Variants in DCDC1 observed in about 807,000 individuals in gnomAD.
DCDC1 encodes doublecortin domain-containing protein 1.
Under a neutral mutation model 178.3 loss-of-function variants are expected in DCDC1, and 200 were observed. The observed-to-expected ratio is 1.12, with a 90% CI of 1.00 to 1.26. The LOEUF (loss-of-function observed/expected upper bound fraction) is 1.26. Among genes scored for constraint, DCDC1 ranks in the 50% most tolerant of loss-of-function variants. The probability of loss-of-function intolerance (pLI) is 0.00; values close to 1 mark genes in which losing one functional copy is unlikely to be tolerated. For synonymous variants in DCDC1, 690 were observed against 604.8 expected, an observed-to-expected ratio of 1.14 and a Z score of -2.07; for missense variants, 1,983 against 1,749.2, an observed-to-expected ratio of 1.13 and a Z score of -2.38.
At chr11:31,076,168 C>A (rs1411368388) in intron 18 of DCDC1, among the ~76,000 whole-genome samples, 2 of 151,970 alleles carry the variant, frequency 1.3e-5, no homozygotes, top group Non-Finnish European at 2.9e-5. Flanking sequence ...CTCATTCATT[C>A]TTTTTTATTC....
chr11:31,219,173 TA>T lies in DCDC1; in HGVS notation c.1221+22276del, dbSNP rs1012447646. Among the ~76,000 whole-genome samples, 128 of 147,572 alleles carry T rather than the reference TA, an allele frequency of 8.7e-4. 1 individual carries two copies. The highest frequency in any genetic ancestry group is 3.5e-3 in the Middle Eastern group (1 of 288). ...TTTAGAGCACAAAACAATTTACAGT[TA>T]AAAAAAAAAGTAAAAATTTTAGAAT... is the stretch of plus-strand genomic sequence containing the variant. On this transcript the variant is annotated intron_variant, in intron 9 of 38. Coordinates refer to ENST00000684477, the MANE Select transcript of DCDC1 (RefSeq NM_001387274.1).
intron 7 of DCDC1, among the ~76,000 whole-genome samples, chr11:31,272,936 A>C (rs1945680286): frequency 6.6e-6 from 1 of 152,178 alleles, no homozygotes. Context: ...ACAAGCTGCC[A>C]AGGCTTGGGG....
intron 17 of DCDC1, among the ~76,000 whole-genome samples, chr11:31,086,950 T>C (rs558845698): frequency 6.6e-6 from 1 of 152,314 alleles, no homozygotes; most frequent in East Asian, 1.9e-4. Flanking sequence ...TAAGATTGTG[T>C]AGAATTGGTA....
At chr11:31,100,299 T>C (rs780913559) in intron 15 of DCDC1, among the ~76,000 whole-genome samples, 4 of 152,236 alleles carry the variant, frequency 2.6e-5, no homozygotes, top group Non-Finnish European at 2.9e-5. Flanking sequence ...ATCAAATATG[T>C]ATTGTGCATT....
intron 20 of DCDC1, among the ~76,000 whole-genome samples, chr11:31,006,358 C>T (rs1951845892): frequency 6.6e-6 from 1 of 152,164 alleles, no homozygotes; most frequent in African/African-American, 2.4e-5. Flanking sequence ...GTCTTCCCTT[C>T]CTATAGATTC....
chr11:31,204,069 G>A (rs1034736408), intron 9 of DCDC1, among the ~76,000 whole-genome samples: 3 of 151,952 alleles, frequency 2.0e-5, no homozygotes, highest in Non-Finnish European at 4.4e-5. Flanking sequence ...AATTTCTGTG[G>A]TGCTTATTGC....
intron 27 of DCDC1, 133 bp downstream of exon 27, chr11:30,915,378 G>T: frequency 1.1e-6 from 1 of 905,934 alleles, no homozygotes; most frequent in Non-Finnish European, 1.7e-6. Context: ...CTAGGATAAA[G>T]AATTATCAGC....
rs538156113 is a variant in DCDC1, at chr11:31,244,462, T to C, written c.1055-2846A>G. Among the ~76,000 whole-genome samples the C allele has an allele frequency of 6.9e-3, 1,053 of 151,918 alleles. 4 individuals carry two copies. The highest frequency in any genetic ancestry group is 0.012 in the Non-Finnish European group (822 of 67,772). ...GCTTCTCTGTCTTCAAACTACTATG[T>C]AGAAATATTCAAACTACTATGTAGA... On this transcript the variant is annotated intron_variant, in intron 8 of 38. Coordinates refer to ENST00000684477, the MANE Select transcript of DCDC1 (RefSeq NM_001387274.1).
Position 31,040,604 on chromosome 11 carries a change from A to C in DCDC1, c.2591+23865T>G, listed in dbSNP as rs575246409. 5.3e-5 allele frequency among the ~76,000 whole-genome samples: 8 copies of C among 152,326 alleles called. No individual in the cohort carries two copies. The South Asian group carries it at 1.7e-3, about 32-fold the overall frequency. On this transcript the variant is annotated intron_variant, in intron 20 of 38. Transcript: ENST00000684477. ...TAAAAGGTTCAAATATTTTCTACTG[A>C]AAAACAAAAGGCGTTTGCACCAATA... is the stretch of plus-strand genomic sequence containing the variant.
chr11:31,091,334 G>T lies in DCDC1; in HGVS notation c.2237+59C>A, dbSNP rs908364013. On this transcript the variant is annotated intron_variant, in intron 17 of 38. Coordinates refer to ENST00000684477, the MANE Select transcript of DCDC1 (RefSeq NM_001387274.1). The stretch of plus-strand genomic sequence containing the variant: ...AACCAGGAGGCATCACAATTGAACT[G>T]CTCAGAATTCTTGAAATTAGCATTT... The T allele has an allele frequency of 9.2e-5, 63 of 688,086 alleles. 1 individual carries two copies. In the African/African-American group the frequency reaches 9.7e-4, roughly 11 times the overall value. 42.6% of individuals were successfully genotyped at this position (688,086 alleles called of 1,614,324 possible). A position where few individuals can be genotyped will look rare whatever the true frequency, so the allele number is the denominator to read the frequency against.
At chr11:31,002,094 C>T (rs1951610335) in intron 20 of DCDC1, among the ~76,000 whole-genome samples, 1 of 152,132 alleles carries the variant, frequency 6.6e-6, no homozygotes, top group Non-Finnish European at 1.5e-5. Flanking sequence ...ATTAGTTTCC[C>T]AAATGTAAAC....
rs554384219 is a variant in DCDC1, at chr11:30,976,335, A to G, written c.2592-23767T>C. Among the ~76,000 whole-genome samples the G allele has an allele frequency of 5.9e-5, 9 of 152,282 alleles. No homozygotes were observed. The South Asian group carries it at 1.9e-3, about 32-fold the overall frequency. ...AGCAAAGTCAAAAATACACAAATAG[A>G]CTATATTAAACTAAAAAGCTTCTGC... is the stretch of plus-strand genomic sequence containing the variant. On this transcript the variant is annotated intron_variant, in intron 20 of 38. Coordinates refer to ENST00000684477, the MANE Select transcript of DCDC1 (RefSeq NM_001387274.1).
Position 30,990,671 on chromosome 11 carries a change from A to C in DCDC1, c.2592-38103T>G, listed in dbSNP as rs564927861. Among the ~76,000 whole-genome samples, 3 of 152,340 alleles carry C rather than the reference A, an allele frequency of 2.0e-5. No individual in the cohort carries two copies. The East Asian group carries it at 5.8e-4, about 29-fold the overall frequency. ...TTTTTACCTCGGGTAGTAAGGTCTG[A>C]AGACATTTAGTTTACACTAATAACA... On this transcript the variant is annotated intron_variant, in intron 20 of 38. Transcript: ENST00000684477.
chr11:30,948,556 A>C (rs1189557915), intron 21 of DCDC1, among the ~76,000 whole-genome samples: 4 of 152,188 alleles, frequency 2.6e-5, no homozygotes, highest in Admixed American at 2.6e-4. Context: ...AGACAATCCT[A>C]AGCTAAAAGA....
intron 1 of DCDC1, among the ~76,000 whole-genome samples, chr11:31,367,660 T>C (rs1952030112): frequency 6.6e-6 from 1 of 152,228 alleles, no homozygotes; most frequent in East Asian, 1.9e-4. Context: ...TTGAGGTGTG[T>C]TCGGGCACAA....
At chr11:31,363,269 TTA>T (rs1312706471) in intron 1 of DCDC1, among the ~76,000 whole-genome samples, 1 of 152,128 alleles carries the variant, frequency 6.6e-6, no homozygotes, top group Non-Finnish European at 1.5e-5. Context: ...ACACAACATT[TTA>T]TATGTCTTTA....
At chr11:30,899,972 T>C (rs527430195) in intron 33 of DCDC1, among the ~76,000 whole-genome samples, 1 of 152,288 alleles carries the variant, frequency 6.6e-6, no homozygotes, top group South Asian at 2.1e-4. Context: ...ATCCACCTAC[T>C]GCCTAAAGGG....
chr11:30,885,728 C>T (rs522625), intron 36 of DCDC1, among the ~76,000 whole-genome samples: 1,609 of 152,190 alleles, frequency 0.011, 19 homozygotes, highest in African/African-American at 0.037. Flanking sequence ...TGAGAATTCT[C>T]AATATCTACC....
chr11:31,145,415 G>T (rs1258022297), intron 9 of DCDC1, among the ~76,000 whole-genome samples: 1 of 152,186 alleles, frequency 6.6e-6, no homozygotes, highest in Admixed American at 6.5e-5. Flanking sequence ...ACTAGGTAAT[G>T]ACCGGAAGTA....
Sources: allele counts gnomAD v4.1 joint callset (sites outside exome capture counted in the v4.1 genomes callset), GRCh38; gene constraint gnomAD v4.1.1; transcripts MANE v1.5; gene names NCBI Gene and HGNC (gene_info 2026-07-23, HGNC 2026-07-21).